Variants in ZNF138 observed in about 807,000 individuals in gnomAD.
The protein encoded by ZNF138 is zinc finger protein 138 (clone pHZ-32).
ZNF138 carries 33 observed loss-of-function variants against 33.0 expected under a neutral mutation model. The observed-to-expected ratio is 1.00, with a 90% confidence interval of 0.76 to 1.34. The LOEUF is 1.34. ZNF138 is among the 40% of genes most tolerant of loss of function. The pLI is 0.00. For missense variants in ZNF138, 360 were observed against 370.8 expected, an observed-to-expected ratio of 0.97 and a Z score of 0.24; for synonymous variants, 139 against 120.4, an observed-to-expected ratio of 1.15 and a Z score of -1.01.
In ZNF138 at chr7:64,832,123, T is replaced by A; in HGVS notation, c.881T>A (p.Leu294His). The part of the protein sequence containing the change: ...CGKVFKQSPT[L>H]TKHQIIYTGE... ...AAGGTCTTTAAGCAGTCCCCAACCC[T>A]TACTAAACATCAGATAATTTATACT... Residue 294 changes from leucine (L) to histidine (H), a missense_variant, in exon 4 of 4, where the codon CTT (leucine) becomes CAT (histidine). Transcript: ENST00000307355. 3 of 1,612,774 alleles carry A rather than the reference T, an allele frequency of 1.9e-6. No homozygotes were observed. Among genetic ancestry groups the A allele is most frequent in the Non-Finnish European group, 2.5e-6 (3 of 1,179,718 alleles).
the ZNF138 span, among the ~76,000 whole-genome samples, chr7:64,844,611 T>A: frequency 1.3e-5 from 2 of 151,712 alleles, no homozygotes; most frequent in Non-Finnish European, 2.9e-5. Flanking sequence ...TATTTTTTTT[T>A]AATTTCCATA....
At chr7:64,826,653 G>A (rs987925741) in intron 3 of ZNF138, among the ~76,000 whole-genome samples, 1 of 149,694 alleles carries the variant, frequency 6.7e-6, no homozygotes, top group Non-Finnish European at 1.5e-5. Context: ...TTTTTTTTTA[G>A]ACAGAGTTTC....
chr7:64,829,904 T>C (rs925251916), intron 3 of ZNF138, among the ~76,000 whole-genome samples: 1 of 152,134 alleles, frequency 6.6e-6, no homozygotes, highest in South Asian at 2.1e-4. Context: ...CTTTCTTGCA[T>C]TGTGTCATTT....
At chr7:64,860,203 A>G in the ZNF138 span, among the ~76,000 whole-genome samples, 1 of 152,210 alleles carries the variant, frequency 6.6e-6, no homozygotes, top group Non-Finnish European at 1.5e-5. Flanking sequence ...TCATATTTTT[A>G]TGTTTATGCT....
rs368518613 is a variant in ZNF138, at chr7:64,797,920, C to G, written c.3+3349C>G. Among the ~76,000 whole-genome samples, 18 of 151,988 alleles carry G rather than the reference C, an allele frequency of 1.2e-4. No homozygotes were observed. The South Asian group carries it at 3.5e-3, about 30-fold the overall frequency. On this transcript the variant is annotated intron_variant, in intron 1 of 3. Coordinates refer to ENST00000307355, the MANE Select transcript of ZNF138 (RefSeq NM_001271639.2). ...AATGGCAAATGGAGGGTGTATAAAT[C>G]AGATTTTATTTTTTATTTTTTAATT...
intron 1 of ZNF138, among the ~76,000 whole-genome samples, chr7:64,798,755 G>T (rs1427091908): frequency 6.9e-6 from 1 of 145,320 alleles, no homozygotes. Flanking sequence ...TCCAGCCTGG[G>T]CAACAAGAGT....
At chr7:64,824,295 A>C (rs1036731687) in intron 3 of ZNF138, among the ~76,000 whole-genome samples, 1 of 152,178 alleles carries the variant, frequency 6.6e-6, no homozygotes, top group South Asian at 2.1e-4. Flanking sequence ...GTCCCTTACC[A>C]TGTCACATGT....
intron 1 of ZNF138, among the ~76,000 whole-genome samples, chr7:64,797,214 C>T (rs1409404214): frequency 2.0e-5 from 3 of 152,090 alleles, no homozygotes; most frequent in Non-Finnish European, 4.4e-5. Context: ...GAGGTTAATG[C>T]TAAATTTTTT....
chr7:64,844,402 G>C, the ZNF138 span, among the ~76,000 whole-genome samples: 142,885 of 152,202 alleles, frequency 0.94, 67,676 homozygotes, highest in Non-Finnish European at 1. Context: ...TTCTCAATTT[G>C]ATTCATTCTT....
intron 1 of ZNF138, among the ~76,000 whole-genome samples, 183 bp from the exon 2 acceptor site, chr7:64,814,735 C>T (rs999540347): frequency 1.3e-5 from 2 of 151,608 alleles, no homozygotes; most frequent in Admixed American, 6.6e-5. Flanking sequence ...TGCACTCCAG[C>T]GTGGGCAACA....
At chr7:64,822,393 T>G (rs1789242913) in intron 3 of ZNF138, among the ~76,000 whole-genome samples, 1 of 151,736 alleles carries the variant, frequency 6.6e-6, no homozygotes, top group Admixed American at 6.6e-5. Context: ...ATGTCATGTT[T>G]TTTTCTTACA....
In ZNF138 at chr7:64,814,942, G is replaced by A. The variant is rs1788488323; in HGVS notation, c.28G>A (p.Ala10Thr). Reference protein sequence around the residue: MGPLTFMDVAIEFSLEEWQC... With the variant: MGPLTFMDVTIEFSLEEWQC... Reference sequence around the variant, plus strand: ...GGGACCACTGACATTTATGGATGTGGCCATAGAGTTCTCTTTGGAGGAGTG... The same window carrying A: ...GGGACCACTGACATTTATGGATGTGACCATAGAGTTCTCTTTGGAGGAGTG... The change falls in exon 2 of 4, where the codon GCC (alanine) becomes ACC (threonine). Residue 10 changes from alanine (A) to threonine (T), a missense_variant. By Grantham distance (58) the Ala-to-Thr change is moderately conservative. Coordinates refer to ENST00000307355, the MANE Select transcript of ZNF138 (RefSeq NM_001271639.2). 2.5e-6 allele frequency: 4 copies of A among 1,613,020 alleles called. No homozygotes were observed. Among genetic ancestry groups the A allele is most frequent in the Non-Finnish European group, 3.4e-6 (4 of 1,179,444 alleles).
At chr7:64,835,280 T>A (rs187901412), downstream of ZNF138, 2 of 152,226 alleles carry the variant, frequency 1.3e-5, no homozygotes, top group African/African-American at 4.8e-5. Context: ...GACGAAATCA[T>A]CTGGCTACTT....
At chr7:64,801,907 A>C (rs997720850) in intron 1 of ZNF138, among the ~76,000 whole-genome samples, 6 of 152,318 alleles carry the variant, frequency 3.9e-5, no homozygotes, top group African/African-American at 1.4e-4. Context: ...GGGTCACACA[A>C]ACCTGCCTTC....
the ZNF138 span, among the ~76,000 whole-genome samples, chr7:64,851,774 T>C: frequency 6.6e-6 from 1 of 152,176 alleles, no homozygotes; most frequent in South Asian, 2.1e-4. Flanking sequence ...AAAAAAGAAA[T>C]AAGATTTCTT....
chr7:64,809,038 C>T (rs1240624425), intron 1 of ZNF138, among the ~76,000 whole-genome samples: 1 of 127,674 alleles, frequency 7.8e-6, no homozygotes, highest in African/African-American at 2.8e-5. Flanking sequence ...CCCACCTTTC[C>T]CGCCTTTCTA....
At position 64,832,404 on chromosome 7, in the gene ZNF138, GA is replaced by G; in HGVS notation, c.*207del. Reference sequence around the variant, plus strand: ...TGAACATAAGTTAATTCATACTGGAGAAAAACCCTACAAATGTAAAGAATGT... The same window carrying G: ...TGAACATAAGTTAATTCATACTGGAGAAAACCCTACAAATGTAAAGAATGT... On this transcript the variant is annotated 3_prime_UTR_variant, in exon 4 of 4. Coordinates refer to ENST00000307355, the MANE Select transcript of ZNF138 (RefSeq NM_001271639.2). 3 of 1,514,412 alleles carry G rather than the reference GA, an allele frequency of 2.0e-6. No homozygotes were observed. The highest frequency in any genetic ancestry group is 1.8e-4 in the Middle Eastern group (1 of 5,636). 93.8% of individuals were successfully genotyped at this position (1,514,412 alleles called of 1,614,324 possible). A position where few individuals can be genotyped will look rare whatever the true frequency, so the allele number is the denominator to read the frequency against.
At chr7:64,798,477 A>G (rs565265520) in intron 1 of ZNF138, among the ~76,000 whole-genome samples, 1 of 152,352 alleles carries the variant, frequency 6.6e-6, no homozygotes, top group Non-Finnish European at 1.5e-5. Context: ...CTAGCTAGTT[A>G]TTCCAGTACC....
chr7:64,805,788 G>A (rs993707915), intron 1 of ZNF138, among the ~76,000 whole-genome samples: 5 of 152,208 alleles, frequency 3.3e-5, no homozygotes, highest in African/African-American at 1.2e-4. Context: ...CTGGCTTCAA[G>A]TTGCAAAATT....
Sources: allele counts gnomAD v4.1 joint callset (sites outside exome capture counted in the v4.1 genomes callset), GRCh38; gene constraint gnomAD v4.1.1; transcripts MANE v1.5; gene names NCBI Gene and HGNC (gene_info 2026-07-23, HGNC 2026-07-21).